GMEB2: variants seen among roughly 807,000 people sequenced by gnomAD.
GMEB2 encodes the protein glucocorticoid modulatory element binding protein 2, also known as glucocorticoid modulatory element-binding protein 2.
A neutral mutation model predicts 45.7 loss-of-function variants in GMEB2; 7 were observed. The observed-to-expected ratio is 0.15, with a 90% CI of 0.09 to 0.29. The LOEUF is 0.29. GMEB2 is among the 10% of genes least tolerant of loss of function. The pLI is 1.00. For missense variants in GMEB2, 582 were observed against 739.2 expected (o/e 0.79, Z 2.47); for synonymous variants, 322 against 323.6 (o/e 1.00, Z 0.05).
At chr20:63,624,864 C>T (rs1231250004) in intron 1 of GMEB2, among the ~76,000 whole-genome samples, 3 of 151,832 alleles carry the variant, frequency 2.0e-5, no homozygotes, top group Admixed American at 6.6e-5. Flanking sequence ...CCCACCACCA[C>T]GCCCGGCTAA....
At chr20:63,603,164 G>A (rs2083253757) in intron 3 of GMEB2, 72 bp from the exon 4 acceptor site, 4 of 1,499,904 alleles carry the variant, frequency 2.7e-6, no homozygotes, top group Non-Finnish European at 3.6e-6. Context: ...AGCATTTCCT[G>A]AAAATGCAGA....
intron 2 of GMEB2, among the ~76,000 whole-genome samples, chr20:63,607,534 C>G (rs868582895): frequency 4.8e-5 from 1 of 20,932 alleles, no homozygotes; most frequent in African/African-American, 1.0e-4. Flanking sequence ...ACATGCCCCT[C>G]TGACCCCACC....
At chr20:63,595,229 A>T (rs765745999) in intron 6 of GMEB2, among the ~76,000 whole-genome samples, 280 of 141,890 alleles carry the variant, frequency 2.0e-3, no homozygotes, top group Non-Finnish European at 3.5e-3. Flanking sequence ...GCAGTTCCGT[A>T]AACCGCCAGG....
At chr20:63,617,020 G>A (rs1210583987) in intron 2 of GMEB2, among the ~76,000 whole-genome samples, 1 of 151,846 alleles carries the variant, frequency 6.6e-6, no homozygotes, top group South Asian at 2.1e-4. Context: ...TATCACTCAG[G>A]TTGGAGTACA....
intron 2 of GMEB2, among the ~76,000 whole-genome samples, chr20:63,606,138 C>T (rs1227374959): frequency 6.6e-6 from 1 of 151,842 alleles, no homozygotes; most frequent in Admixed American, 6.6e-5. Flanking sequence ...TCACTATGGC[C>T]CAACCTCATA....
At chr20:63,594,492 C>T (rs562800690) in intron 6 of GMEB2, among the ~76,000 whole-genome samples, 8 of 152,286 alleles carry the variant, frequency 5.3e-5, no homozygotes, top group East Asian at 3.9e-4. Flanking sequence ...CCCAGCAGGA[C>T]GTGGAAGGGG....
intron 2 of GMEB2, among the ~76,000 whole-genome samples, chr20:63,609,451 C>CCA (rs2089550979): frequency 1.1e-5 from 1 of 89,876 alleles, no homozygotes; most frequent in Admixed American, 1.0e-4. Flanking sequence ...CCCTCTCACC[C>CCA]CACATCCATT....
At chr20:63,615,072 C>T (rs919446333) in intron 2 of GMEB2, among the ~76,000 whole-genome samples, 2 of 152,158 alleles carry the variant, frequency 1.3e-5, no homozygotes, top group Non-Finnish European at 2.9e-5. Context: ...CCCACCAACC[C>T]TGTGGGGCTG....
intron 4 of GMEB2, among the ~76,000 whole-genome samples, chr20:63,601,524 C>T (rs747893856): frequency 1.3e-5 from 2 of 150,016 alleles, no homozygotes; most frequent in Non-Finnish European, 3.0e-5. Context: ...ATGCTTTACT[C>T]ATGCTCTCTT....
At chr20:63,624,665 G>A (rs915283329) in intron 1 of GMEB2, among the ~76,000 whole-genome samples, 5 of 152,118 alleles carry the variant, frequency 3.3e-5, no homozygotes, top group Non-Finnish European at 7.4e-5. Context: ...CAATGTACAC[G>A]CACAAAACTG....
At chr20:63,595,790 G>A (rs775140416) in intron 5 of GMEB2, 23 bp from the exon 6 acceptor site, 1 of 1,612,650 alleles carries the variant, frequency 6.2e-7, no homozygotes, top group Non-Finnish European at 8.5e-7. Flanking sequence ...GTGGCATGGA[G>A]CGTCCAGGTC....
chr20:63,624,328 C>T (rs535273044), intron 1 of GMEB2, among the ~76,000 whole-genome samples: 1 of 150,908 alleles, frequency 6.6e-6, no homozygotes. Flanking sequence ...ACTTGGGAGG[C>T]TGAGGCAGGA....
chr20:63,591,134 G>A (rs1300676423), intron 9 of GMEB2, among the ~76,000 whole-genome samples: 1 of 150,674 alleles, frequency 6.6e-6, no homozygotes, highest in East Asian at 1.9e-4. Flanking sequence ...GAGAGAGGAG[G>A]AAAAGCAGCA....
At chr20:63,610,774 T>C (rs1018791042) in intron 2 of GMEB2, among the ~76,000 whole-genome samples, 8 of 152,296 alleles carry the variant, frequency 5.3e-5, no homozygotes, top group African/African-American at 1.4e-4. Flanking sequence ...GACTGAAAAA[T>C]GCCCTCTGGT....
chr20:63,625,181 T>C (rs531070070), intron 1 of GMEB2, among the ~76,000 whole-genome samples: 2 of 151,814 alleles, frequency 1.3e-5, no homozygotes, highest in East Asian at 1.9e-4. Flanking sequence ...CACAGCTCCT[T>C]CTTTGTTTTT....
Position 63,592,971 on chromosome 20 carries a change from GC to G in GMEB2, c.691+39del. On this transcript the variant is annotated intron_variant, in intron 7 of 9. Coordinates refer to ENST00000370077, the MANE Select transcript of GMEB2 (RefSeq NM_012384.5). This position sits in a 1 kb window ranked among gnomAD's most constrained non-coding sequence, Gnocchi z 8.2. ...AGGTGGGCAGAGACTCCACCACCCC[GC>G]CAGGGCTTGTGAGAAGCCCACAAGG... 1 of 1,420,366 alleles carries G rather than the reference GC, an allele frequency of 7.0e-7. No homozygotes were observed. The highest frequency in any genetic ancestry group is 9.9e-7 in the Non-Finnish European group (1 of 1,015,174). 88.0% of individuals were successfully genotyped at this position (1,420,366 alleles called of 1,614,324 possible).
intron 2 of GMEB2, among the ~76,000 whole-genome samples, chr20:63,610,489 C>G (rs2089561228): frequency 6.6e-6 from 1 of 152,062 alleles, no homozygotes; most frequent in African/African-American, 2.4e-5. Context: ...CCATTGCACT[C>G]CAGTCTGGGC....
intron 3 of GMEB2, among the ~76,000 whole-genome samples, chr20:63,603,499 G>C (rs554542565): frequency 1.3e-5 from 2 of 152,284 alleles, no homozygotes; most frequent in African/African-American, 4.8e-5. Flanking sequence ...GGGAGGCCGA[G>C]GCAGGCGGAT....
chr20:63,600,274 A>ACCTC (rs1272745779), intron 4 of GMEB2, among the ~76,000 whole-genome samples: 1 of 151,026 alleles, frequency 6.6e-6, no homozygotes, highest in Non-Finnish European at 1.5e-5. Context: ...CGAACTCCTG[A>ACCTC]CCTCAGGTGA....
Sources: allele counts gnomAD v4.1 joint callset (sites outside exome capture counted in the v4.1 genomes callset), GRCh38; gene constraint gnomAD v4.1.1; non-coding constraint Gnocchi (gnomAD v3.1); transcripts MANE v1.5; gene names NCBI Gene and HGNC (gene_info 2026-07-23, HGNC 2026-07-21).